The following PMFBP1 variants were observed in gnomAD, a reference collection of about 807,000 sequenced individuals.
PMFBP1 encodes the protein polyamine modulated factor 1 binding protein 1, also known as polyamine-modulated factor 1-binding protein 1.
PMFBP1 carries 131 observed loss-of-function variants against 137.8 expected under a neutral mutation model. The ratio of observed to expected loss-of-function variants is 0.95; its 90% CI spans 0.82 to 1.10. The LOEUF is 1.10. Among genes scored for constraint, PMFBP1 ranks in the 50% least tolerant of loss-of-function variants. The pLI is 0.00. For missense variants in PMFBP1, 1,199 were observed against 1,175.4 expected (o/e 1.02, Z -0.29); for synonymous variants, 490 against 450.4 (o/e 1.09, Z -1.11).
the PMFBP1 span, among the ~76,000 whole-genome samples, chr16:72,242,090 TCCC>T: frequency 6.6e-6 from 1 of 152,138 alleles, no homozygotes; most frequent in African/African-American, 2.4e-5. Context: ...TCTCTTCTCC[TCCC>T]TGACACCGTG....
chr16:72,199,262 G>T, the PMFBP1 span, among the ~76,000 whole-genome samples: 1 of 146,008 alleles, frequency 6.8e-6, no homozygotes. Context: ...CCCGCTTTAT[G>T]AATGTCACTT....
chr16:72,133,780 G>C (rs888400059), intron 9 of PMFBP1, among the ~76,000 whole-genome samples: 1 of 152,148 alleles, frequency 6.6e-6, no homozygotes, highest in Non-Finnish European at 1.5e-5. Context: ...GGTCCTAATA[G>C]ATAGAAAACA....
chr16:72,170,453 A>T (rs1292037528), intron 2 of PMFBP1, among the ~76,000 whole-genome samples: 1 of 152,144 alleles, frequency 6.6e-6, no homozygotes, highest in African/African-American at 2.4e-5. Context: ...TTGTTGTTTG[A>T]GACAGGGTCT....
chr16:72,166,352 G>C (rs2043144408), intron 2 of PMFBP1, among the ~76,000 whole-genome samples: 1 of 152,120 alleles, frequency 6.6e-6, no homozygotes, highest in Non-Finnish European at 1.5e-5. Flanking sequence ...GATGTGCCTT[G>C]CTTCCCCTTT....
At chr16:72,194,043 T>C in the PMFBP1 span, among the ~76,000 whole-genome samples, 3 of 151,926 alleles carry the variant, frequency 2.0e-5, no homozygotes, top group Non-Finnish European at 4.4e-5. Context: ...TATAGTCCCC[T>C]GATCTCTTGG....
At chr16:72,167,566 C>G (rs1438060673) in intron 2 of PMFBP1, among the ~76,000 whole-genome samples, 1 of 152,168 alleles carries the variant, frequency 6.6e-6, no homozygotes, top group African/African-American at 2.4e-5. Context: ...ATCCTTAACT[C>G]GATGAAGAGT....
chr16:72,207,542 A>G, the PMFBP1 span, among the ~76,000 whole-genome samples: 1 of 152,156 alleles, frequency 6.6e-6, no homozygotes, highest in Non-Finnish European at 1.5e-5. Context: ...TGGAAATTGC[A>G]GCATTGAGAA....
chr16:72,177,879 A>G (rs538487670), upstream of PMFBP1, among the ~76,000 whole-genome samples: 1 of 152,050 alleles, frequency 6.6e-6, no homozygotes, highest in South Asian at 2.1e-4. Flanking sequence ...ATGCCCCTCA[A>G]TTTGAATTTG....
At chr16:72,230,724 G>C in the PMFBP1 span, among the ~76,000 whole-genome samples, 3 of 152,080 alleles carry the variant, frequency 2.0e-5, no homozygotes, top group Non-Finnish European at 4.4e-5. Flanking sequence ...CTAACACCTA[G>C]ATATCATTCA....
chr16:72,201,604 GC>G, the PMFBP1 span, among the ~76,000 whole-genome samples: 4 of 152,190 alleles, frequency 2.6e-5, no homozygotes. Context: ...CAGCAAAGCT[GC>G]CAATCACAAT....
At chr16:72,196,351 G>C in the PMFBP1 span, among the ~76,000 whole-genome samples, 1 of 152,158 alleles carries the variant, frequency 6.6e-6, no homozygotes, top group East Asian at 1.9e-4. Context: ...TGTGCTTGGT[G>C]TCTTCTCTGT....
At chr16:72,192,984 T>C in the PMFBP1 span, among the ~76,000 whole-genome samples, 1 of 151,308 alleles carries the variant, frequency 6.6e-6, no homozygotes, top group African/African-American at 2.4e-5. Context: ...GATGAAAGAA[T>C]GTGCACGTTA....
chr16:72,132,400 T>C (rs913881437), intron 10 of PMFBP1, among the ~76,000 whole-genome samples: 2 of 151,714 alleles, frequency 1.3e-5, no homozygotes, highest in Non-Finnish European at 2.9e-5. Context: ...CAGGGAAGGG[T>C]GAAGTGAATT....
the PMFBP1 span, among the ~76,000 whole-genome samples, chr16:72,247,735 A>T: frequency 6.6e-6 from 1 of 152,202 alleles, no homozygotes. Flanking sequence ...CTTGGGATAC[A>T]AAGAGCTTAA....
upstream of PMFBP1, among the ~76,000 whole-genome samples, chr16:72,172,926 A>C (rs148088252): frequency 5.3e-4 from 80 of 152,358 alleles, no homozygotes; most frequent in Non-Finnish European, 8.8e-4. Flanking sequence ...TTAAAAATGC[A>C]ATATCTGTGA....
In PMFBP1 at chr16:72,152,319, G is replaced by A. The variant is rs959699610; in HGVS notation, c.415-1490C>T. Among the ~76,000 whole-genome samples the A allele has an allele frequency of 4.6e-5, 7 of 152,000 alleles. 1 individual carries two copies. Among genetic ancestry groups the A allele is most frequent in the African/African-American group, 1.2e-4 (5 of 41,360 alleles). On this transcript the variant is annotated intron_variant, in intron 4 of 20. Transcript: ENST00000237353. The stretch of plus-strand genomic sequence containing the variant: ...TGCCGAGTCCTGTATGTATTCTCCC[G>A]CTCTTCCTTACTAATAGAACCTTGA...
chr16:72,117,353 T>C (rs1292559394), downstream of PMFBP1, among the ~76,000 whole-genome samples: 1 of 152,210 alleles, frequency 6.6e-6, no homozygotes, highest in Non-Finnish European at 1.5e-5. Flanking sequence ...GTGTTGACTT[T>C]GTATCCTGTT....
chr16:72,175,507 T>C (rs1324494121), upstream of PMFBP1, among the ~76,000 whole-genome samples: 3 of 152,182 alleles, frequency 2.0e-5, no homozygotes, highest in Non-Finnish European at 4.4e-5. Context: ...TATGGTTGAC[T>C]CCTGGCCTTA....
Position 72,119,233 on chromosome 16 carries a change from T to C in PMFBP1, c.*105A>G, listed in dbSNP as rs2042340074. ...TGCAAAATAGGCTGGGACCGTGATA[T>C]ACTCCTGTAAGAGCTGATCCAGGTC... is the stretch of plus-strand genomic sequence containing the variant. On this transcript the variant is annotated 3_prime_UTR_variant, in exon 21 of 21. Transcript: ENST00000237353. The C allele has an allele frequency of 2.3e-6, 3 of 1,301,106 alleles. No homozygotes were observed. Among genetic ancestry groups the C allele is most frequent in the Admixed American group, 1.8e-5 (1 of 55,404 alleles). 80.6% of individuals were successfully genotyped at this position (1,301,106 alleles called of 1,614,324 possible). A position where few individuals can be genotyped will look rare whatever the true frequency, so the allele number is the denominator to read the frequency against.
Sources: allele counts gnomAD v4.1 joint callset (sites outside exome capture counted in the v4.1 genomes callset), GRCh38; gene constraint gnomAD v4.1.1; transcripts MANE v1.5; gene names NCBI Gene and HGNC (gene_info 2026-07-23, HGNC 2026-07-21).